DLG2: variants seen among roughly 807,000 people sequenced by gnomAD.
DLG2 encodes disks large homolog 2.
In DLG2, 45 loss-of-function variants were observed where a neutral mutation model predicts 132.5. The observed-to-expected ratio is 0.34, with a 90% CI of 0.27 to 0.44. DLG2 has a LOEUF of 0.44. Ranked by LOEUF, DLG2 falls within the 20% of genes least tolerant of loss-of-function variation. The probability of loss-of-function intolerance (pLI) is 1.00; values close to 1 mark genes in which losing one functional copy is unlikely to be tolerated. For synonymous variants in DLG2, 424 were observed against 419.6 expected (o/e 1.01, Z -0.13); for missense variants, 1,045 against 1,196.9 (o/e 0.87, Z 1.87).
chr11:84,534,870 G>A, intron 6 of DLG2, 139 bp from the exon 7 acceptor site: 1 of 984,980 alleles, frequency 1.0e-6, no homozygotes, highest in Non-Finnish European at 1.6e-6. Flanking sequence ...CTTTGCTGCA[G>A]ACTCTTCTGG....
intron 6 of DLG2, among the ~76,000 whole-genome samples, chr11:84,628,151 C>T (rs866978144): frequency 9.2e-5 from 14 of 151,386 alleles, no homozygotes; most frequent in African/African-American, 2.4e-4. Flanking sequence ...TATATACCCC[C>T]GAGGAGGTTA....
chr11:84,937,552 GT>G (rs1471908866), intron 6 of DLG2, among the ~76,000 whole-genome samples: 2 of 152,168 alleles, frequency 1.3e-5, no homozygotes, highest in Non-Finnish European at 2.9e-5. Flanking sequence ...GGAGTTAACA[GT>G]TTAGCTAACT....
rs1422692720 is a variant in DLG2, at chr11:85,055,245, CAAAG to C, written c.357+56412_357+56415del. 4.6e-5 allele frequency among the ~76,000 whole-genome samples: 7 copies of C among 151,926 alleles called. No homozygotes were observed. In the South Asian group the frequency reaches 1.0e-3, roughly 23 times the overall value. On this transcript the variant is annotated intron_variant, in intron 6 of 27. Transcript: ENST00000376104. ...ATTAATGAGAGAAGAACAAACCAGA[CAAAG>C]AGAGAGAGAGAAATTGAGGGAGAGA...
chr11:83,581,559 C>G (rs1055015023), intron 19 of DLG2, among the ~76,000 whole-genome samples: 3 of 152,096 alleles, frequency 2.0e-5, no homozygotes, highest in Admixed American at 2.0e-4. Flanking sequence ...GTTCATTTAT[C>G]AAATAATTTT....
intron 6 of DLG2, among the ~76,000 whole-genome samples, chr11:84,607,999 G>C (rs1487424604): frequency 6.6e-6 from 1 of 152,140 alleles, no homozygotes; most frequent in Non-Finnish European, 1.5e-5. Flanking sequence ...AGAAGGTCTT[G>C]TGTCAGATAA....
chr11:83,884,551 G>T (rs376981439), intron 15 of DLG2, among the ~76,000 whole-genome samples: 6 of 152,328 alleles, frequency 3.9e-5, no homozygotes, highest in Admixed American at 3.9e-4. Flanking sequence ...AGTAACCTTT[G>T]CAGACTTAAA....
At chr11:85,467,552 C>T (rs2092833880) in intron 3 of DLG2, among the ~76,000 whole-genome samples, 1 of 152,142 alleles carries the variant, frequency 6.6e-6, no homozygotes, top group Non-Finnish European at 1.5e-5. Flanking sequence ...GCCTTTTCTG[C>T]ATTTATTGAG....
intron 6 of DLG2, among the ~76,000 whole-genome samples, chr11:84,699,408 C>T (rs913462982): frequency 6.6e-6 from 1 of 151,396 alleles, no homozygotes; most frequent in Non-Finnish European, 1.5e-5. Flanking sequence ...AAAAGAAAGC[C>T]CTTCTAAATA....
At chr11:85,324,147 A>G (rs1167897817) in intron 3 of DLG2, among the ~76,000 whole-genome samples, 2 of 152,206 alleles carry the variant, frequency 1.3e-5, no homozygotes, top group Non-Finnish European at 2.9e-5. Context: ...TATTTAAGTC[A>G]CCAGACATGG....
At chr11:85,187,531 A>C (rs1324457407) in intron 4 of DLG2, among the ~76,000 whole-genome samples, 2 of 152,152 alleles carry the variant, frequency 1.3e-5, no homozygotes, top group Non-Finnish European at 2.9e-5. Context: ...AACTAGACAA[A>C]ATTGCTAAAA....
At chr11:83,710,342 G>A (rs2085117557) in intron 18 of DLG2, among the ~76,000 whole-genome samples, 1 of 151,824 alleles carries the variant, frequency 6.6e-6, no homozygotes, top group Admixed American at 6.6e-5. Context: ...TTTTATTTTT[G>A]ATACAGACAG....
intron 4 of DLG2, among the ~76,000 whole-genome samples, chr11:85,213,148 C>T (rs149801099): frequency 2.6e-4 from 40 of 152,182 alleles, no homozygotes; most frequent in African/African-American, 8.9e-4. Flanking sequence ...TCCAAAGGGT[C>T]TCTCAGAGTT....
At chr11:84,902,380 C>T (rs1433132065) in intron 6 of DLG2, among the ~76,000 whole-genome samples, 1 of 152,258 alleles carries the variant, frequency 6.6e-6, no homozygotes, top group East Asian at 1.9e-4. Context: ...GTTAAAATGG[C>T]AATTATTCTT....
chr11:83,763,241 T>C (rs1258757960), intron 18 of DLG2, among the ~76,000 whole-genome samples: 4 of 152,188 alleles, frequency 2.6e-5, no homozygotes, highest in African/African-American at 9.7e-5. Context: ...AACTGTGTGT[T>C]GTGGGGGTTT....
At chr11:83,704,587 C>T (rs148980065) in intron 18 of DLG2, among the ~76,000 whole-genome samples, 1,819 of 148,472 alleles carry the variant, frequency 0.012, 44 homozygotes, top group African/African-American at 0.04. Context: ...GAGGCTGAGG[C>T]AGGTGGATCA....
At chr11:84,767,931 G>A (rs1186019798) in intron 6 of DLG2, among the ~76,000 whole-genome samples, 6 of 152,008 alleles carry the variant, frequency 3.9e-5, no homozygotes, top group Non-Finnish European at 8.8e-5. Context: ...GTATTATCAG[G>A]AGAAATCTAG....
At chr11:85,524,701 C>G (rs2074604944) in intron 3 of DLG2, among the ~76,000 whole-genome samples, 1 of 152,000 alleles carries the variant, frequency 6.6e-6, no homozygotes, top group South Asian at 2.1e-4. Flanking sequence ...ACTACGTTGC[C>G]CAGGTGGGTC....
Position 83,457,669 on chromosome 11 carries a change from T to C in DLG2, c.*2149A>G, listed in dbSNP as rs971981830. 6.6e-6 allele frequency: 1 copy of C among 152,328 alleles called. No individual in the cohort carries two copies. Among genetic ancestry groups the C allele is most frequent in the African/African-American group, 2.4e-5 (1 of 41,444 alleles). The allele number at this position is 152,328 out of a possible 1,614,324, so 9.4% of individuals were successfully genotyped here. On this transcript the variant is annotated 3_prime_UTR_variant, in exon 28 of 28. Coordinates refer to ENST00000376104, the MANE Select transcript of DLG2 (RefSeq NM_001142699.3). ...CTCAGTTGAGAAACCAAAGAAGTTA[T>C]CGTGGTGGCCTAAAAATAGAGCTGG...
intron 6 of DLG2, among the ~76,000 whole-genome samples, chr11:84,958,033 T>C (rs2051958373): frequency 6.6e-6 from 1 of 152,138 alleles, no homozygotes; most frequent in Admixed American, 6.6e-5. Context: ...GGGATACTAA[T>C]ACCATCCTTA....
Sources: allele counts gnomAD v4.1 joint callset (sites outside exome capture counted in the v4.1 genomes callset), GRCh38; gene constraint gnomAD v4.1.1; transcripts MANE v1.5; gene names NCBI Gene and HGNC (gene_info 2026-07-23, HGNC 2026-07-21).